Variants in SMC5 observed in about 807,000 individuals in gnomAD.
SMC5 encodes structural maintenance of chromosomes 5.
Under a neutral mutation model 148.3 loss-of-function variants are expected in SMC5, and 88 were observed. The ratio of observed to expected loss-of-function variants is 0.59; its 90% CI spans 0.50 to 0.71. The LOEUF (loss-of-function observed/expected upper bound fraction) is 0.71. Among genes scored for constraint, SMC5 ranks in the 30% least tolerant of loss-of-function variants. SMC5 has a pLI of 0.00. For missense variants in SMC5, 1,142 were observed against 1,298.9 expected (o/e 0.88, Z 1.86); for synonymous variants, 421 against 432.8 (o/e 0.97, Z 0.34).
At chr9:70,269,572 CTCTG>C (rs1436125036) in intron 3 of SMC5, among the ~76,000 whole-genome samples, 1 of 152,040 alleles carries the variant, frequency 6.6e-6, no homozygotes, top group East Asian at 1.9e-4. Context: ...CAGAGTGAGA[CTCTG>C]TCTGCAAAAA....
chr9:70,322,728 C>A (rs754358885), intron 15 of SMC5, among the ~76,000 whole-genome samples: 3 of 151,936 alleles, frequency 2.0e-5, no homozygotes, highest in Admixed American at 2.0e-4. Flanking sequence ...CCCAGCTTCT[C>A]GGGAGGCTGA....
intron 3 of SMC5, among the ~76,000 whole-genome samples, chr9:70,273,616 C>T (rs987592495): frequency 1.3e-5 from 2 of 152,080 alleles, no homozygotes; most frequent in African/African-American, 4.8e-5. Context: ...GTCCCACTTA[C>T]TACTTTAGCT....
intron 3 of SMC5, among the ~76,000 whole-genome samples, chr9:70,268,202 T>C (rs2034345093): frequency 6.6e-6 from 1 of 152,108 alleles, no homozygotes; most frequent in African/African-American, 2.4e-5. Context: ...CTGAGCACTT[T>C]GGGGAGGCCG....
At chr9:70,303,417 C>T (rs2035414491) in intron 10 of SMC5, among the ~76,000 whole-genome samples, 1 of 152,024 alleles carries the variant, frequency 6.6e-6, no homozygotes, top group African/African-American at 2.4e-5. Context: ...TGTATCATTT[C>T]TTCCAATAAA....
rs368177263 is a variant in SMC5, at chr9:70,297,991, T to C, written c.1079T>C (p.Ile360Thr). The C allele has an allele frequency of 6.2e-6, 10 of 1,613,498 alleles. No individual in the cohort carries two copies. The highest frequency in any genetic ancestry group is 8.5e-6 in the Non-Finnish European group (10 of 1,179,882). Residue 360 changes from isoleucine to threonine, a missense_variant, in exon 9 of 25, where the codon ATA (isoleucine) becomes ACA (threonine). Physicochemically the swap from Ile to Thr is moderately conservative, Grantham distance 89. Around this residue, in one of 5 missense-constraint regions of SMC5, gnomAD observed 743 missense variants for 835.7 expected, o/e 0.89. Coordinates refer to ENST00000361138, the MANE Select transcript of SMC5 (RefSeq NM_015110.4). Reference sequence around the variant, plus strand: ...ATTGAGGAACTTCAGCAGGCTTTAATAGTAAAGCAAAATGAAGAGCTTGAC... The same window carrying C: ...ATTGAGGAACTTCAGCAGGCTTTAACAGTAAAGCAAAATGAAGAGCTTGAC... ...KHIEELQQALIVKQNEELDRQ... is the reference protein window; with the variant it reads ...KHIEELQQALTVKQNEELDRQ...
chr9:70,277,763 ATGT>A (rs934470501), intron 4 of SMC5, among the ~76,000 whole-genome samples: 2 of 152,060 alleles, frequency 1.3e-5, no homozygotes, highest in African/African-American at 4.8e-5. Context: ...GAACCTTAAA[ATGT>A]TGTTAATGAA....
At chr9:70,324,544 G>C (rs991853258) in intron 17 of SMC5, among the ~76,000 whole-genome samples, 1 of 152,122 alleles carries the variant, frequency 6.6e-6, no homozygotes, top group African/African-American at 2.4e-5. Flanking sequence ...TGGACAACAC[G>C]TATAACAAAA....
In SMC5 at chr9:70,297,867, A is replaced by G. The variant is rs935097793; in HGVS notation, c.1054-99A>G. 1.0e-5 allele frequency: 14 copies of G among 1,337,604 alleles called. No homozygotes were observed. In the Admixed American group the frequency reaches 1.6e-4, roughly 15 times the overall value. The allele number at this position is 1,337,604 out of a possible 1,614,324, so 82.9% of individuals were successfully genotyped here. A position where few individuals can be genotyped will look rare whatever the true frequency, so the allele number is the denominator to read the frequency against. ...ACACCTTTTAGTGAGGAAAACACCT[A>G]TGTTAGATTGTTTGCATGTTAAAAA... On this transcript the variant is annotated intron_variant, in intron 8 of 24. Transcript: ENST00000361138.
intron 1 of SMC5, among the ~76,000 whole-genome samples, chr9:70,259,708 G>A (rs1161326573): frequency 1.3e-5 from 2 of 152,038 alleles, no homozygotes; most frequent in Non-Finnish European, 2.9e-5. Flanking sequence ...TAGATAAGAC[G>A]GTAAAGGTTG....
chr9:70,282,650 G>T, intron 7 of SMC5, 67 bp downstream of exon 7: 2 of 1,445,554 alleles, frequency 1.4e-6, no homozygotes, highest in East Asian at 2.5e-5. Context: ...ATATTTTGCA[G>T]GTGTTTGAAA....
At chr9:70,261,013 A>G (rs2034110802) in intron 1 of SMC5, among the ~76,000 whole-genome samples, 1 of 152,224 alleles carries the variant, frequency 6.6e-6, no homozygotes, top group Non-Finnish European at 1.5e-5. Context: ...TGCTGGGATT[A>G]CAGACATGAG....
At chr9:70,261,974 T>G (rs1412870541) in intron 1 of SMC5, among the ~76,000 whole-genome samples, 1 of 152,172 alleles carries the variant, frequency 6.6e-6, no homozygotes, top group Non-Finnish European at 1.5e-5. Flanking sequence ...AGCAGAAAAC[T>G]TTGCAGGCCG....
Position 70,267,929 on chromosome 9 carries a change from T to A in SMC5, c.334T>A (p.Phe112Ile), listed in dbSNP as rs777639863. The change falls in exon 3 of 25, where the codon TTT (phenylalanine) becomes ATT (isoleucine). Residue 112 changes from phenylalanine to isoleucine, a missense_variant. Physicochemically the swap from Phe to Ile is conservative, Grantham distance 21. Coordinates refer to ENST00000361138, the MANE Select transcript of SMC5 (RefSeq NM_015110.4). ...AFMGRADKVG[F>I]FVKRGCSRGM... ...TTTCTTTTTTATGTCTTAGGTTGGG[T>A]TTTTTGTGAAGAGAGGATGTTCTAG... The A allele has an allele frequency of 6.2e-7, 1 of 1,612,934 alleles. No individual in the cohort carries two copies. The highest frequency in any genetic ancestry group is 8.5e-7 in the Non-Finnish European group (1 of 1,179,532).
At chr9:70,292,635 T>A (rs1321920364) in intron 8 of SMC5, among the ~76,000 whole-genome samples, 1 of 152,116 alleles carries the variant, frequency 6.6e-6, no homozygotes, top group African/African-American at 2.4e-5. Flanking sequence ...TAATAGCAGG[T>A]TTTTAAAAGA....
intron 7 of SMC5, among the ~76,000 whole-genome samples, chr9:70,284,844 T>C (rs947413825): frequency 6.6e-6 from 1 of 152,202 alleles, no homozygotes; most frequent in Non-Finnish European, 1.5e-5. Flanking sequence ...GCTGTTCTTC[T>C]TCCTGCTCAT....
chr9:70,340,789 A>G (rs2036500177), intron 17 of SMC5, among the ~76,000 whole-genome samples: 1 of 152,180 alleles, frequency 6.6e-6, no homozygotes, highest in African/African-American at 2.4e-5. Context: ...GGGCCTTCTT[A>G]GAAAAGCTTT....
chr9:70,324,035 G>A lies in SMC5; in HGVS notation c.2289G>A (p.Leu763=). The change falls in exon 17 of 25, where the codon TTG becomes TTA. Residue 763 remains leucine (L), a synonymous_variant. Coordinates refer to ENST00000361138, the MANE Select transcript of SMC5 (RefSeq NM_015110.4). ...TTTGTTCCTAGATTTGTACTTCTTT[G>A]CATATACAAAAAGTAGATTTAATTC... ...LTNLIKICTS[L]HIQKVDLILQ... is the part of the protein sequence containing the mutation. 1 of 1,574,620 alleles carries A rather than the reference G, an allele frequency of 6.4e-7. No individual in the cohort carries two copies. Among genetic ancestry groups the A allele is most frequent in the Non-Finnish European group, 8.6e-7 (1 of 1,166,988 alleles).
chr9:70,351,741 C>T (rs1402750204), intron 24 of SMC5, among the ~76,000 whole-genome samples: 6 of 152,074 alleles, frequency 3.9e-5, no homozygotes, highest in South Asian at 2.1e-4. Context: ...GTAAGGATTA[C>T]AGTCTGGCAA....
At chr9:70,346,358 T>C in intron 18 of SMC5, 1 of 554,802 alleles carries the variant, frequency 1.8e-6, no homozygotes, top group South Asian at 2.5e-5. Context: ...TACCATGTAG[T>C]ATATAGCCTT....
Sources: gnomAD v4.1 joint callset for allele counts (sites outside exome capture counted in the v4.1 genomes callset) on GRCh38, gnomAD v4.1.1 for gene constraint, gnomAD v4.1.1 regional missense constraint, MANE v1.5 for transcripts, NCBI Gene and HGNC (gene_info 2026-07-23, HGNC 2026-07-21) for gene names.